XG: variants seen among roughly 807,000 people sequenced by gnomAD.
The protein encoded by XG is glycoprotein Xg.
Under a neutral mutation model 25.7 loss-of-function variants are expected in XG, and 24 were observed. The observed-to-expected ratio is 0.93, with a 90% CI of 0.68 to 1.31. The LOEUF (loss-of-function observed/expected upper bound fraction) is 1.31. Among genes scored for constraint, XG ranks in the 40% most tolerant of loss-of-function variants. XG has a pLI of 0.00. For synonymous variants in XG, 77 were observed against 69.2 expected (o/e 1.11, Z -0.56); for missense variants, 181 against 187.6 (o/e 0.96, Z 0.21).
At chrX:2,778,147 C>A (rs1328675281) in intron 3 of XG, among the ~76,000 whole-genome samples, 2 of 152,072 alleles carry the variant, frequency 1.3e-5, no homozygotes, top group Admixed American at 6.5e-5. Flanking sequence ...CAGCCTGCAC[C>A]TCAGGTTAAG....
intron 1 of XG, among the ~76,000 whole-genome samples, chrX:2,756,945 G>T: frequency 6.6e-6 from 1 of 152,346 alleles, no homozygotes; most frequent in South Asian, 2.1e-4. Flanking sequence ...GTGTTAGCCA[G>T]CTCAGTGCCG....
At chrX:2,758,109 G>C (rs2050477612) in intron 1 of XG, among the ~76,000 whole-genome samples, 1 of 151,578 alleles carries the variant, frequency 6.6e-6, no homozygotes, top group Non-Finnish European at 1.5e-5. Context: ...TTCTTGACTT[G>C]CTTCCATTCT....
intron 1 of XG, among the ~76,000 whole-genome samples, chrX:2,754,194 G>T: frequency 6.6e-6 from 1 of 152,234 alleles, no homozygotes; most frequent in Non-Finnish European, 1.5e-5. Context: ...CACCCCAGGG[G>T]TTCGAACAAA....
At chrX:2,770,368 G>C (rs2050790430) in intron 1 of XG, among the ~76,000 whole-genome samples, 182 bp from the exon 2 acceptor site, 1 of 152,124 alleles carries the variant, frequency 6.6e-6, no homozygotes, top group African/African-American at 2.4e-5. Flanking sequence ...TGGGTGATGA[G>C]TATGCTCTGG....
At chrX:2,760,812 C>G in intron 1 of XG, among the ~76,000 whole-genome samples, 1 of 149,948 alleles carries the variant, frequency 6.7e-6, no homozygotes, top group South Asian at 2.1e-4. Context: ...AACAGGACTG[C>G]AGACCTTATA....
intron 7 of XG, 29 bp downstream of exon 7, chrX:2,797,389 G>A (rs1345428909): frequency 1.7e-6 from 2 of 1,175,033 alleles, no homozygotes; most frequent in East Asian, 6.0e-5. Flanking sequence ...ATGCGATGGT[G>A]GGTGGAGGGT....
rs377257169 is a variant in XG, at chrX:2,811,457, G to A, written c.571+5G>A. ...GAAATTGTTTCAGGACCCATGGTAA[G>A]TTTGGCTCTAAACATTGTTTTGCTT... On this transcript the variant is annotated splice_donor_5th_base_variant and intron_variant, in intron 10 of 10. Coordinates refer to ENST00000644266, the MANE Select transcript of XG (RefSeq NM_001141919.2). The A allele has an allele frequency of 5.1e-5, 60 of 1,172,872 alleles. No homozygotes were observed. The African/African-American group carries it at 5.8e-4, about 11-fold the overall frequency.
At chrX:2,780,137 G>A (rs1233116737) in intron 3 of XG, among the ~76,000 whole-genome samples, 3 of 151,780 alleles carry the variant, frequency 2.0e-5, no homozygotes, top group Non-Finnish European at 4.4e-5. Flanking sequence ...TGGTTATAGA[G>A]CACAAACTGT....
At chrX:2,782,450 C>T (rs756268977) in intron 4 of XG, among the ~76,000 whole-genome samples, 3 of 111,693 alleles carry the variant, frequency 2.7e-5, no homozygotes, top group Non-Finnish European at 5.6e-5. Flanking sequence ...CACGCAGAGC[C>T]GGCTCTAAGG....
chrX:2,806,580 G>T, intron 7 of XG, 121 bp from the exon 8 acceptor site: 1 of 618,025 alleles, frequency 1.6e-6, no homozygotes, highest in Non-Finnish European at 2.5e-6. Context: ...GGAGAGCATT[G>T]GAATCTCTGC....
chrX:2,802,342 A>T (rs1217459247), intron 7 of XG, among the ~76,000 whole-genome samples: 1 of 110,407 alleles, frequency 9.1e-6, no homozygotes, highest in Admixed American at 9.7e-5. Flanking sequence ...ATTTTTGTAG[A>T]GATGGGGTCT....
intron 6 of XG, among the ~76,000 whole-genome samples, chrX:2,796,982 C>G (rs1388153890): frequency 8.9e-6 from 1 of 112,089 alleles, no homozygotes; most frequent in African/African-American, 3.2e-5. Context: ...CCGGCGTCGG[C>G]GTGGCTGATC....
intron 1 of XG, chrX:2,753,061 T>G: frequency 2.6e-6 from 2 of 758,858 alleles, no homozygotes; most frequent in Non-Finnish European, 3.2e-6. Context: ...TGGGCGCATC[T>G]TAAGAGAGAG....
intron 1 of XG, among the ~76,000 whole-genome samples, chrX:2,768,994 G>C (rs1166720985): frequency 2.0e-5 from 3 of 152,140 alleles, no homozygotes; most frequent in Non-Finnish European, 2.9e-5. Context: ...TCTGGGCCCA[G>C]GGGCAGCTGC....
At chrX:2,803,448 T>C (rs1253232662) in intron 7 of XG, among the ~76,000 whole-genome samples, 1 of 111,706 alleles carries the variant, frequency 9.0e-6, no homozygotes, top group African/African-American at 3.3e-5. Flanking sequence ...GAGTAATTCA[T>C]GCAGAGCCAG....
chrX:2,767,395 G>A (rs973638777), intron 1 of XG, among the ~76,000 whole-genome samples: 14 of 152,026 alleles, frequency 9.2e-5, no homozygotes, highest in Non-Finnish European at 2.9e-5. Flanking sequence ...ACCGAGGACC[G>A]TTGTCATAGT....
chrX:2,786,349 C>T (rs1449913819), intron 4 of XG, among the ~76,000 whole-genome samples: 3 of 102,061 alleles, frequency 2.9e-5, no homozygotes, highest in Non-Finnish European at 5.9e-5. Context: ...CTCACTGCAA[C>T]CTCCGCCTCC....
Position 2,774,739 on chromosome X carries a change from G to C in XG, c.127G>C (p.Asp43His). Residue 43 changes from aspartate to histidine, a missense_variant and splice_region_variant, in exon 3 of 11, where the codon GAT becomes CAT. By Grantham distance (81) the Asp-to-His change is moderately conservative. Transcript: ENST00000644266. The part of the protein sequence containing the change: ...DPEPTKKPNS[D>H]IYPKPKPPYY... Reference sequence around the variant, plus strand: ...AGAACCCACCAAGAAGCCAAACTCAGGTGAGTGTCTCTTCAGCTGGGAAAA... The same window carrying C: ...AGAACCCACCAAGAAGCCAAACTCACGTGAGTGTCTCTTCAGCTGGGAAAA... 3.7e-6 allele frequency: 6 copies of C among 1,613,794 alleles called. No homozygotes were observed. The highest frequency in any genetic ancestry group is 4.2e-6 in the Non-Finnish European group (5 of 1,179,842).
At chrX:2,753,071 G>A (rs1175586588) in intron 1 of XG, 2 of 695,258 alleles carry the variant, frequency 2.9e-6, no homozygotes, top group Non-Finnish European at 3.5e-6. Flanking sequence ...TTAAGAGAGA[G>A]AAGTATTTCT....
Sources: allele counts gnomAD v4.1 joint callset (sites outside exome capture counted in the v4.1 genomes callset), GRCh38; gene constraint gnomAD v4.1.1; transcripts MANE v1.5; gene names NCBI Gene and HGNC (gene_info 2026-07-23, HGNC 2026-07-21).